NKAIN3: variants seen among roughly 807,000 people sequenced by gnomAD.
NKAIN3 encodes sodium/potassium transporting ATPase interacting 3.
In NKAIN3, 25 loss-of-function variants were observed where a neutral mutation model predicts 30.2. The ratio of observed to expected loss-of-function variants is 0.83; its 90% CI spans 0.60 to 1.16. The LOEUF (loss-of-function observed/expected upper bound fraction) is 1.16, where lower values mean the gene tolerates loss of function less well. Among genes scored for constraint, NKAIN3 ranks in the 50% most tolerant of loss-of-function variants. The pLI, the probability that NKAIN3 is intolerant of heterozygous loss-of-function variation, is 0.00. For synonymous variants in NKAIN3, 91 were observed against 89.6 expected (o/e 1.02, Z -0.09); for missense variants, 225 against 254.1 (o/e 0.89, Z 0.78).
At chr8:62,707,062 C>CAG (rs1472526894) in intron 3 of NKAIN3, among the ~76,000 whole-genome samples, 2 of 145,252 alleles carry the variant, frequency 1.4e-5, no homozygotes, top group African/African-American at 4.9e-5. Context: ...TACATACACA[C>CAG]ACACACACAC....
chr8:62,852,402 C>G (rs978575868), intron 4 of NKAIN3, among the ~76,000 whole-genome samples: 2 of 152,090 alleles, frequency 1.3e-5, no homozygotes, highest in African/African-American at 4.8e-5. Flanking sequence ...TTTCAAAAAC[C>G]AGCTCCTGGA....
At chr8:62,315,787 G>A (rs752569488) in intron 1 of NKAIN3, among the ~76,000 whole-genome samples, 2 of 152,196 alleles carry the variant, frequency 1.3e-5, no homozygotes, top group African/African-American at 2.4e-5. Context: ...CTCAAGTGGT[G>A]TTTGTGGAGG....
intron 4 of NKAIN3, among the ~76,000 whole-genome samples, chr8:62,781,463 A>G (rs2130653543): frequency 6.6e-6 from 1 of 152,100 alleles, no homozygotes; most frequent in East Asian, 1.9e-4. Flanking sequence ...GAGCCAGAAT[A>G]TTCAAAGCAA....
chr8:62,338,179 T>C (rs926704104), intron 1 of NKAIN3, among the ~76,000 whole-genome samples: 1 of 152,042 alleles, frequency 6.6e-6, no homozygotes, highest in African/African-American at 2.4e-5. Context: ...CATTAGGTCC[T>C]TGTAGAAGTT....
At chr8:62,509,490 G>A (rs1160396230) in intron 1 of NKAIN3, among the ~76,000 whole-genome samples, 1 of 152,016 alleles carries the variant, frequency 6.6e-6, no homozygotes, top group Non-Finnish European at 1.5e-5. Flanking sequence ...AATAAAAACA[G>A]CCTTGGGTTT....
intron 1 of NKAIN3, among the ~76,000 whole-genome samples, chr8:62,562,522 A>G (rs750566299): frequency 1.6e-4 from 24 of 152,152 alleles, no homozygotes; most frequent in Non-Finnish European, 3.2e-4. Flanking sequence ...GCAACTGTCA[A>G]TGGTTTACCT....
intron 1 of NKAIN3, among the ~76,000 whole-genome samples, chr8:62,401,407 C>A: frequency 6.6e-6 from 1 of 152,118 alleles, no homozygotes; most frequent in East Asian, 1.9e-4. Flanking sequence ...GGTCACATAT[C>A]TCTCTCTCCA....
At chr8:62,593,967 C>A (rs925773670) in intron 3 of NKAIN3, among the ~76,000 whole-genome samples, 2 of 151,960 alleles carry the variant, frequency 1.3e-5, no homozygotes, top group South Asian at 4.1e-4. Context: ...ATAGGGAAAG[C>A]AAACATCCCT....
In NKAIN3 at chr8:62,973,689, T is replaced by G. The variant is rs767755708; in HGVS notation, c.*8282T>G. 6.7e-6 allele frequency among the ~76,000 whole-genome samples: 1 copy of G among 150,130 alleles called. No homozygotes were observed. The highest frequency in any genetic ancestry group is 6.6e-5 in the Admixed American group (1 of 15,244). ...TTTAATTAGATCCCATTTGTCAATTTTGGCTTTTGTTGACATTGCTTTTGG... is the reference window on the plus strand; with the variant it reads ...TTTAATTAGATCCCATTTGTCAATTGTGGCTTTTGTTGACATTGCTTTTGG... On this transcript the variant is annotated 3_prime_UTR_variant, in exon 7 of 7. Coordinates refer to ENST00000623646, the MANE Select transcript of NKAIN3 (RefSeq NM_001304533.3).
At chr8:62,871,641 G>A (rs1820650210) in intron 4 of NKAIN3, among the ~76,000 whole-genome samples, 1 of 152,226 alleles carries the variant, frequency 6.6e-6, no homozygotes, top group African/African-American at 2.4e-5. Context: ...TGCCCTTCTG[G>A]GGGCCAAGCC....
chr8:62,637,488 A>T (rs2130288349), intron 3 of NKAIN3, among the ~76,000 whole-genome samples: 1 of 152,314 alleles, frequency 6.6e-6, no homozygotes, highest in African/African-American at 2.4e-5. Flanking sequence ...GAAAAAAATA[A>T]TAAAGCCAAG....
intron 1 of NKAIN3, 108 bp from the exon 2 acceptor site, chr8:62,579,431 A>C: frequency 1.3e-6 from 1 of 755,768 alleles, no homozygotes; most frequent in Non-Finnish European, 2.0e-6. Context: ...GGTGACAAAA[A>C]GTGTGATTGA....
At chr8:62,715,042 G>A (rs557220632) in intron 3 of NKAIN3, among the ~76,000 whole-genome samples, 39 of 152,230 alleles carry the variant, frequency 2.6e-4, no homozygotes, top group Middle Eastern at 3.4e-3. Context: ...TTTCAATCAT[G>A]GTGAAAGGTA....
chr8:62,377,056 A>G (rs886754648), intron 1 of NKAIN3, among the ~76,000 whole-genome samples: 10 of 152,220 alleles, frequency 6.6e-5, no homozygotes, highest in Non-Finnish European at 1.0e-4. Context: ...ACTTTAGTAC[A>G]TAAACATTAA....
intron 1 of NKAIN3, among the ~76,000 whole-genome samples, chr8:62,387,092 C>T (rs1031797244): frequency 1.3e-5 from 2 of 152,052 alleles, no homozygotes; most frequent in Non-Finnish European, 2.9e-5. Context: ...CTACCCAGGC[C>T]AGGCCAGGCA....
chr8:62,629,597 G>A (rs533824259), intron 3 of NKAIN3, among the ~76,000 whole-genome samples: 1 of 152,146 alleles, frequency 6.6e-6, no homozygotes, highest in South Asian at 2.1e-4. Flanking sequence ...TAAATGCTAG[G>A]CATTATTTTC....
intron 2 of NKAIN3, among the ~76,000 whole-genome samples, chr8:62,589,237 T>A (rs1810576398): frequency 6.6e-6 from 1 of 151,808 alleles, no homozygotes; most frequent in African/African-American, 2.4e-5. Flanking sequence ...ACTAATAAAA[T>A]AGTCCAACAA....
chr8:62,688,396 G>T (rs1320302408), intron 3 of NKAIN3, among the ~76,000 whole-genome samples: 1 of 151,988 alleles, frequency 6.6e-6, no homozygotes, highest in Non-Finnish European at 1.5e-5. Context: ...ATAAATACCT[G>T]GTATACTGTT....
intron 1 of NKAIN3, among the ~76,000 whole-genome samples, chr8:62,458,221 C>T (rs900299612): frequency 2.0e-5 from 3 of 152,180 alleles, no homozygotes; most frequent in Non-Finnish European, 4.4e-5. Context: ...AACCCTATGA[C>T]TTCATTGCTT....
Sources: gnomAD v4.1 joint callset for allele counts (sites outside exome capture counted in the v4.1 genomes callset) on GRCh38, gnomAD v4.1.1 for gene constraint, MANE v1.5 for transcripts, NCBI Gene and HGNC (gene_info 2026-07-23, HGNC 2026-07-21) for gene names.